Variants in SPMIP7 observed in about 807,000 individuals in gnomAD.
SPMIP7 encodes the protein protein SPMIP7.
chr7:50,097,188 G>C, the SPMIP7 span, among the ~76,000 whole-genome samples: 1 of 152,172 alleles, frequency 6.6e-6, no homozygotes, highest in Non-Finnish European at 1.5e-5. Context: ...TTCTCTGTAA[G>C]AACTCCTGTA....
At chr7:50,125,219 C>CATATATACACATAT in the SPMIP7 span, among the ~76,000 whole-genome samples, 69 of 71,044 alleles carry the variant, frequency 9.7e-4, no homozygotes, top group Admixed American at 1.3e-3. Context: ...TATATATACA[C>CATATATACACATAT]ATATATACAC....
chr7:50,138,744 T>C, the SPMIP7 span, among the ~76,000 whole-genome samples: 24 of 149,112 alleles, frequency 1.6e-4, no homozygotes, highest in African/African-American at 5.9e-4. Context: ...AAAAGCAGTA[T>C]AAAGTGACCT....
the SPMIP7 span, among the ~76,000 whole-genome samples, chr7:50,099,232 C>T: frequency 6.6e-6 from 1 of 152,160 alleles, no homozygotes; most frequent in African/African-American, 2.4e-5. Context: ...ATGTCCTTAT[C>T]GATCTCCTGT....
At chr7:50,107,362 C>CAAAAAAAAAAAAAAAAAAAA in the SPMIP7 span, among the ~76,000 whole-genome samples, 4 of 16,654 alleles carry the variant, frequency 2.4e-4, no homozygotes, top group Admixed American at 9.7e-4. Context: ...GACTCTGTCT[C>CAAAAAAAAAAAAAAAAAAAA]AAAAAAAAAA....
At chr7:50,114,730 G>T in the SPMIP7 span, among the ~76,000 whole-genome samples, 3 of 152,028 alleles carry the variant, frequency 2.0e-5, no homozygotes, top group South Asian at 4.2e-4. Flanking sequence ...TTGTTAGTTG[G>T]ATAAAAAATT....
chr7:50,148,378 A>AGGCACAGT, the SPMIP7 span, among the ~76,000 whole-genome samples: 1 of 152,226 alleles, frequency 6.6e-6, no homozygotes, highest in Admixed American at 6.5e-5. Flanking sequence ...AGAGGCACAG[A>AGGCACAGT]GGCTGTGCAA....
At chr7:50,152,352 A>C in the SPMIP7 span, among the ~76,000 whole-genome samples, 1 of 152,218 alleles carries the variant, frequency 6.6e-6, no homozygotes, top group Non-Finnish European at 1.5e-5. Context: ...CTAAAAAAAA[A>C]ATCCCAGAAA....
the SPMIP7 span, among the ~76,000 whole-genome samples, chr7:50,139,298 A>G: frequency 2.6e-5 from 4 of 151,446 alleles, no homozygotes; most frequent in African/African-American, 9.7e-5. Flanking sequence ...ACAGTGAGCC[A>G]AGATTGCACC....
chr7:50,159,124 C>T, the SPMIP7 span: 1 of 1,551,856 alleles, frequency 6.4e-7, no homozygotes, highest in Non-Finnish European at 8.7e-7. Context: ...CTGTGAGACC[C>T]TACAACCCTT....
At chr7:50,159,100 T>C in the SPMIP7 span, 2 of 1,551,868 alleles carry the variant, frequency 1.3e-6, no homozygotes, top group Non-Finnish European at 1.7e-6. Context: ...CTCCCCTGTC[T>C]CGACTGGTCA....
At chr7:50,133,856 A>G in the SPMIP7 span, among the ~76,000 whole-genome samples, 2 of 152,042 alleles carry the variant, frequency 1.3e-5, no homozygotes, top group Non-Finnish European at 2.9e-5. Flanking sequence ...CTCAAATTCA[A>G]CCAATTAGGG....
At chr7:50,117,144 A>T in the SPMIP7 span, 1 of 410,098 alleles carries the variant, frequency 2.4e-6, no homozygotes, top group East Asian at 7.1e-5. Flanking sequence ...GCTTTTCTGC[A>T]AATGAAAATA....
chr7:50,123,688 C>A, the SPMIP7 span, among the ~76,000 whole-genome samples: 4 of 151,752 alleles, frequency 2.6e-5, no homozygotes, highest in African/African-American at 9.7e-5. Flanking sequence ...ATTGTTTCTT[C>A]TAGAGGAGTC....
the SPMIP7 span, chr7:50,096,724 A>G: frequency 9.7e-7 from 1 of 1,026,018 alleles, no homozygotes; most frequent in Non-Finnish European, 1.3e-6. Context: ...AGGCAGTTAA[A>G]TTAACAAAAT....
chr7:50,136,074 AT>A, the SPMIP7 span: 55 of 1,524,398 alleles, frequency 3.6e-5, 1 homozygote, highest in Middle Eastern at 4.4e-3. Flanking sequence ...ATTAACTGTC[AT>A]TGATTTTGAC....
the SPMIP7 span, among the ~76,000 whole-genome samples, chr7:50,127,786 T>C: frequency 6.6e-6 from 1 of 151,840 alleles, no homozygotes; most frequent in Non-Finnish European, 1.5e-5. Flanking sequence ...CCAGTTAAAA[T>C]GTCTTTTATC....
At chr7:50,105,367 A>G in the SPMIP7 span, among the ~76,000 whole-genome samples, 1 of 152,212 alleles carries the variant, frequency 6.6e-6, no homozygotes, top group Non-Finnish European at 1.5e-5. Flanking sequence ...TAAAGGTATG[A>G]ATACATTGTA....
the SPMIP7 span, among the ~76,000 whole-genome samples, chr7:50,098,934 G>A: frequency 6.6e-6 from 1 of 151,890 alleles, no homozygotes; most frequent in African/African-American, 2.4e-5. Context: ...TCCATCTCTG[G>A]GATTCACTTC....
the SPMIP7 span, among the ~76,000 whole-genome samples, chr7:50,118,943 T>C: frequency 1.3e-5 from 2 of 152,212 alleles, no homozygotes; most frequent in Non-Finnish European, 2.9e-5. Flanking sequence ...CTCGTGTATC[T>C]TCCATTATCC....
Sources: allele counts gnomAD v4.1 joint callset (sites outside exome capture counted in the v4.1 genomes callset), GRCh38; gene constraint gnomAD v4.1.1; transcripts MANE v1.5; gene names NCBI Gene and HGNC (gene_info 2026-07-23, HGNC 2026-07-21).